The following NFATC1 variants were observed in gnomAD, a reference collection of about 807,000 sequenced individuals.
NFATC1 encodes nuclear factor of activated T-cells, cytoplasmic 1.
NFATC1 carries 22 observed loss-of-function variants against 76.0 expected under a neutral mutation model. The observed-to-expected ratio is 0.29, with a 90% CI of 0.21 to 0.41. The LOEUF (loss-of-function observed/expected upper bound fraction) is 0.41, where lower values mean the gene tolerates loss of function less well. NFATC1 is among the 10% of genes least tolerant of loss of function. NFATC1 has a pLI of 1.00. For synonymous variants in NFATC1, 704 were observed against 613.1 expected (o/e 1.15, Z -2.19); for missense variants, 1,357 against 1,337.7 (o/e 1.01, Z -0.23).
At chr18:79,455,156 CTT>C (rs1177625761) in intron 6 of NFATC1, among the ~76,000 whole-genome samples, 2 of 152,238 alleles carry the variant, frequency 1.3e-5, no homozygotes, top group African/African-American at 4.8e-5. Context: ...ACCTCCTTTT[CTT>C]AAGTCACGCG....
intron 6 of NFATC1, among the ~76,000 whole-genome samples, chr18:79,457,670 G>C (rs113167960): frequency 2.6e-5 from 4 of 152,110 alleles, no homozygotes; most frequent in African/African-American, 7.2e-5. Context: ...ACATTTTCTT[G>C]TCCCCAGAAA....
intron 1 of NFATC1, among the ~76,000 whole-genome samples, chr18:79,399,985 A>C (rs1307563897): frequency 1.3e-5 from 2 of 151,882 alleles, no homozygotes; most frequent in Non-Finnish European, 2.9e-5. Context: ...AAAAACTTAA[A>C]AAAAAAATTC....
At chr18:79,508,344 G>C (rs186173448) in intron 9 of NFATC1, among the ~76,000 whole-genome samples, 44 of 152,304 alleles carry the variant, frequency 2.9e-4, no homozygotes, top group African/African-American at 9.6e-4. Context: ...CTGGCAGTTC[G>C]CTCGGCCTGA....
chr18:79,456,767 A>G (rs992047983), intron 6 of NFATC1, among the ~76,000 whole-genome samples: 1 of 152,056 alleles, frequency 6.6e-6, no homozygotes, highest in African/African-American at 2.4e-5. Context: ...TGCGGGATGT[A>G]GGCCGAGGGA....
chr18:79,415,376 G>C (rs1375449110), intron 2 of NFATC1, among the ~76,000 whole-genome samples: 1 of 152,108 alleles, frequency 6.6e-6, no homozygotes, highest in Non-Finnish European at 1.5e-5. Flanking sequence ...TTTGCCTCCT[G>C]GGTTCACGCC....
intron 1 of NFATC1, among the ~76,000 whole-genome samples, chr18:79,398,576 C>T (rs1300574339): frequency 1.3e-5 from 2 of 152,220 alleles, no homozygotes; most frequent in Non-Finnish European, 2.9e-5. Context: ...GGGGAGCCGC[C>T]CCACCGACCC....
chr18:79,448,690 C>T, intron 3 of NFATC1, 92 bp from the exon 4 acceptor site: 1 of 1,306,606 alleles, frequency 7.7e-7, no homozygotes, highest in East Asian at 2.3e-5. Flanking sequence ...GGACACAGGC[C>T]TCGAACCCGC....
chr18:79,402,106 C>G (rs991991207), intron 1 of NFATC1, among the ~76,000 whole-genome samples: 1 of 152,266 alleles, frequency 6.6e-6, no homozygotes, highest in African/African-American at 2.4e-5. Flanking sequence ...AGGGCCACTT[C>G]CGTGCCTCCG....
intron 9 of NFATC1, among the ~76,000 whole-genome samples, chr18:79,521,003 G>T (rs1304332128): frequency 3.7e-4 from 37 of 100,012 alleles, no homozygotes; most frequent in African/African-American, 1.0e-3. Flanking sequence ...GTGTGTGTGG[G>T]GGGGGGCATC....
chr18:79,508,920 G>A (rs568128982), intron 9 of NFATC1, among the ~76,000 whole-genome samples: 4 of 149,460 alleles, frequency 2.7e-5, no homozygotes, highest in Admixed American at 1.3e-4. Context: ...CTCTCATGGC[G>A]GCCTTTTCTT....
chr18:79,457,089 A>G (rs558074034), intron 6 of NFATC1, among the ~76,000 whole-genome samples: 6 of 152,340 alleles, frequency 3.9e-5, no homozygotes, highest in Admixed American at 3.9e-4. Context: ...GACAGACATC[A>G]CTGTCGCCGT....
At chr18:79,426,883 C>T (rs898454124) in intron 2 of NFATC1, among the ~76,000 whole-genome samples, 5 of 152,272 alleles carry the variant, frequency 3.3e-5, no homozygotes, top group Non-Finnish European at 7.3e-5. Flanking sequence ...CTGCCGGGAG[C>T]GCCTTGCATT....
At chr18:79,421,371 C>T (rs1454585715) in intron 2 of NFATC1, 3 of 152,262 alleles carry the variant, frequency 2.0e-5, no homozygotes, top group Admixed American at 2.0e-4. Flanking sequence ...GCAGACAGGT[C>T]GAGTGTGTTT....
In NFATC1 at chr18:79,478,632, T is replaced by C. The variant is rs2089167723; in HGVS notation, c.2093-7616T>C. Among the ~76,000 whole-genome samples, 3 of 152,196 alleles carry C rather than the reference T, an allele frequency of 2.0e-5. No homozygotes were observed. In the South Asian group the frequency reaches 6.2e-4, roughly 31 times the overall value. On this transcript the variant is annotated intron_variant, in intron 8 of 9. Transcript: ENST00000427363. The stretch of plus-strand genomic sequence containing the variant: ...GTGCCGAATGCTCTTTGGCTGACGA[T>C]GGCCGTGGCGGGGGCTTTGGGAGGG...
At chr18:79,448,179 G>A (rs2087296056) in intron 3 of NFATC1, 1 of 155,830 alleles carries the variant, frequency 6.4e-6, no homozygotes, top group Non-Finnish European at 1.4e-5. Flanking sequence ...GCCCTAGGCA[G>A]TGTCTGCCGC....
chr18:79,469,874 G>T (rs190012647), intron 8 of NFATC1: 3 of 985,328 alleles, frequency 3.0e-6, no homozygotes, highest in East Asian at 2.3e-4. Context: ...TGGGGGCTGC[G>T]ACCGCAACCT....
At chr18:79,449,639 G>C (rs906309750) in intron 4 of NFATC1, among the ~76,000 whole-genome samples, 2 of 152,180 alleles carry the variant, frequency 1.3e-5, no homozygotes, top group Admixed American at 1.3e-4. Flanking sequence ...AGCTGGGACG[G>C]CTGGAACGTG....
chr18:79,443,075 T>G (rs2087046221), intron 3 of NFATC1, among the ~76,000 whole-genome samples: 1 of 152,168 alleles, frequency 6.6e-6, no homozygotes, highest in Non-Finnish European at 1.5e-5. Context: ...AGTGCAGTTT[T>G]TCAGTCGCGG....
intron 8 of NFATC1, among the ~76,000 whole-genome samples, chr18:79,475,752 A>G (rs1214207145): frequency 2.0e-5 from 3 of 152,250 alleles, no homozygotes; most frequent in Admixed American, 6.5e-5. Flanking sequence ...AAGGGCTCCA[A>G]TTGAAAGGGA....
Sources: allele counts gnomAD v4.1 joint callset (sites outside exome capture counted in the v4.1 genomes callset), GRCh38; gene constraint gnomAD v4.1.1; transcripts MANE v1.5; gene names NCBI Gene and HGNC (gene_info 2026-07-23, HGNC 2026-07-21).